SEC63: variants seen among roughly 807,000 people sequenced by gnomAD.
SEC63 encodes the protein SEC63 protein translocation regulator.
In SEC63, 56 loss-of-function variants were observed where a neutral mutation model predicts 116.2. The observed-to-expected ratio is 0.48, with a 90% CI of 0.39 to 0.60. SEC63 has a LOEUF of 0.60. Ranked by LOEUF, SEC63 falls within the 20% of genes least tolerant of loss-of-function variation. The pLI is 0.00. For synonymous variants in SEC63, 273 were observed against 294.6 expected, an observed-to-expected ratio of 0.93 and a Z score of 0.75; for missense variants, 668 against 900.0, an observed-to-expected ratio of 0.74 and a Z score of 3.30.
In SEC63 at chr6:107,868,948, C is replaced by A. The variant is rs1786060930; in HGVS notation, c.*2756G>T. ...AGTATATGGTTTGGATTGGCTGAAG[C>A]AAACTGAACAAAACTTGTGGTCAAA... On this transcript the variant is annotated 3_prime_UTR_variant, in exon 21 of 21. Coordinates refer to ENST00000369002, the MANE Select transcript of SEC63 (RefSeq NM_007214.5). 1 of 152,170 alleles carries A rather than the reference C, an allele frequency of 6.6e-6. No homozygotes were observed. Among genetic ancestry groups the A allele is most frequent in the South Asian group, 2.1e-4 (1 of 4,826 alleles). The allele number at this position is 152,170 out of a possible 1,614,324, so 9.4% of individuals were successfully genotyped here.
At chr6:107,913,974 T>G (rs979724811) in intron 4 of SEC63, among the ~76,000 whole-genome samples, 1 of 152,224 alleles carries the variant, frequency 6.6e-6, no homozygotes, top group African/African-American at 2.4e-5. Context: ...TAATTTGCAC[T>G]GTGCTAAGAT....
chr6:107,889,581 C>G (rs1171270037), intron 16 of SEC63, among the ~76,000 whole-genome samples: 1 of 151,780 alleles, frequency 6.6e-6, no homozygotes, highest in Non-Finnish European at 1.5e-5. Context: ...TTTTGTGTCT[C>G]TATCTCCTTC....
At chr6:107,914,450 A>T (rs1000809434) in intron 4 of SEC63, among the ~76,000 whole-genome samples, 2 of 152,184 alleles carry the variant, frequency 1.3e-5, no homozygotes, top group Admixed American at 6.5e-5. Flanking sequence ...ATAAAATAGC[A>T]AAAAGGACAT....
intron 4 of SEC63, among the ~76,000 whole-genome samples, chr6:107,913,765 C>T (rs970421410): frequency 3.9e-5 from 6 of 152,140 alleles, no homozygotes; most frequent in South Asian, 2.1e-4. Context: ...GAATTGTAGG[C>T]GATTTTTTTC....
At chr6:107,906,949 C>T (rs566577806) in intron 8 of SEC63, among the ~76,000 whole-genome samples, 172 bp from the exon 9 acceptor site, 13 of 152,142 alleles carry the variant, frequency 8.5e-5, no homozygotes, top group Non-Finnish European at 1.8e-4. Context: ...AAAGTAACAT[C>T]TCGCTTTTTA....
chr6:107,935,518 T>C (rs1294672935), intron 1 of SEC63, among the ~76,000 whole-genome samples: 6 of 149,112 alleles, frequency 4.0e-5, no homozygotes, highest in Non-Finnish European at 7.4e-5. Flanking sequence ...CTGAAACATG[T>C]GCTGTGTCCA....
In SEC63 at chr6:107,939,656, A is replaced by T. The variant is rs906789239; in HGVS notation, c.125-10142T>A. On this transcript the variant is annotated intron_variant, in intron 1 of 20. Coordinates refer to ENST00000369002, the MANE Select transcript of SEC63 (RefSeq NM_007214.5). The stretch of plus-strand genomic sequence containing the variant: ...TTACTGGGGATGCTGAAGCAGGAGA[A>T]CCCTAGGAGGCAGAGGCTGCAGTGA... Among the ~76,000 whole-genome samples the T allele has an allele frequency of 4.6e-5, 7 of 152,184 alleles. No individual in the cohort carries two copies. In the East Asian group the frequency reaches 1.4e-3, roughly 29 times the overall value.
At chr6:107,953,939 C>T (rs1562344666) in intron 1 of SEC63, among the ~76,000 whole-genome samples, 4 of 152,092 alleles carry the variant, frequency 2.6e-5, no homozygotes, top group Non-Finnish European at 4.4e-5. Flanking sequence ...AGCCCCTCTG[C>T]CCGGCCACCA....
intron 19 of SEC63, among the ~76,000 whole-genome samples, 167 bp from the exon 20 acceptor site, chr6:107,873,079 G>T (rs923622006): frequency 3.9e-5 from 6 of 152,022 alleles, no homozygotes; most frequent in Non-Finnish European, 7.4e-5. Flanking sequence ...AAAAAAAAGC[G>T]AAATGTATGT....
chr6:107,951,654 C>G (rs1489910352), intron 1 of SEC63, among the ~76,000 whole-genome samples: 1 of 152,112 alleles, frequency 6.6e-6, no homozygotes, highest in Non-Finnish European at 1.5e-5. Context: ...CCAAATAAAT[C>G]AGAGTATCTG....
intron 2 of SEC63, among the ~76,000 whole-genome samples, chr6:107,928,811 C>A (rs1787733685): frequency 1.3e-5 from 2 of 152,190 alleles, no homozygotes; most frequent in African/African-American, 4.8e-5. Flanking sequence ...CATAGCCTCA[C>A]AGGATTAAAC....
At chr6:107,951,185 T>C (rs1583781681) in intron 1 of SEC63, among the ~76,000 whole-genome samples, 1 of 152,196 alleles carries the variant, frequency 6.6e-6, no homozygotes, top group African/African-American at 2.4e-5. Flanking sequence ...CACAGTATTG[T>C]TGGCAATACC....
chr6:107,886,771 G>T (rs1457876320), intron 16 of SEC63, among the ~76,000 whole-genome samples: 1 of 150,874 alleles, frequency 6.6e-6, no homozygotes, highest in African/African-American at 2.4e-5. Flanking sequence ...TGTGTCAGAT[G>T]GATAGATTAT....
At chr6:107,874,421 C>CT (rs1468801959) in intron 19 of SEC63, among the ~76,000 whole-genome samples, 1 of 151,820 alleles carries the variant, frequency 6.6e-6, no homozygotes, top group Non-Finnish European at 1.5e-5. Context: ...AGTGAAACCC[C>CT]GTCTCTACTA....
intron 1 of SEC63, among the ~76,000 whole-genome samples, chr6:107,938,495 G>A (rs772519511): frequency 5.9e-5 from 9 of 151,534 alleles, no homozygotes; most frequent in South Asian, 4.2e-4. Context: ...TCCTCCCTCC[G>A]CAGCCTCCCA....
At chr6:107,875,655 G>C (rs1482657014) in intron 19 of SEC63, among the ~76,000 whole-genome samples, 1 of 152,012 alleles carries the variant, frequency 6.6e-6, no homozygotes, top group East Asian at 1.9e-4. Context: ...AGCCGATATT[G>C]TACCACTGCA....
rs1554231420 is a variant in SEC63, at chr6:107,871,655, C to T, written c.*49G>A. On this transcript the variant is annotated 3_prime_UTR_variant, in exon 21 of 21. Transcript: ENST00000369002. Reference sequence around the variant, plus strand: ...GGTTTATGATACACTTCCAAAACAGCAAAAAATTGCAAATATGTGCAAACA... The same window carrying T: ...GGTTTATGATACACTTCCAAAACAGTAAAAAATTGCAAATATGTGCAAACA... 1 of 1,602,802 alleles carries T rather than the reference C, an allele frequency of 6.2e-7. No homozygotes were observed. The highest frequency in any genetic ancestry group is 8.5e-7 in the Non-Finnish European group (1 of 1,172,870).
At chr6:107,891,778 T>C (rs1786689014) in intron 16 of SEC63, among the ~76,000 whole-genome samples, 1 of 152,190 alleles carries the variant, frequency 6.6e-6, no homozygotes, top group Non-Finnish European at 1.5e-5. Context: ...TTGATACTAT[T>C]CCTTTCTATT....
chr6:107,910,371 G>A (rs543077872), intron 7 of SEC63, among the ~76,000 whole-genome samples: 10 of 152,286 alleles, frequency 6.6e-5, no homozygotes, highest in Middle Eastern at 3.4e-3. Flanking sequence ...GGAGGCTGAG[G>A]TGGGAGGATT....
Sources: gnomAD v4.1 joint callset for allele counts (sites outside exome capture counted in the v4.1 genomes callset) on GRCh38, gnomAD v4.1.1 for gene constraint, MANE v1.5 for transcripts, NCBI Gene and HGNC (gene_info 2026-07-23, HGNC 2026-07-21) for gene names.